The following AP1S3 variants were observed in gnomAD, a reference collection of about 807,000 sequenced individuals.
AP1S3 encodes AP-1 complex subunit sigma-3.
In AP1S3, 10 loss-of-function variants were observed where a neutral mutation model predicts 20.9. The ratio of observed to expected loss-of-function variants is 0.48; its 90% CI spans 0.29 to 0.81. The LOEUF is 0.81. Ranked by LOEUF, AP1S3 falls within the 30% of genes least tolerant of loss-of-function variation. The pLI, the probability that AP1S3 is intolerant of heterozygous loss-of-function variation, is 0.08. For synonymous variants in AP1S3, 41 were observed against 61.5 expected (o/e 0.67, Z 1.56); for missense variants, 154 against 183.8 (o/e 0.84, Z 0.94).
intron 1 of AP1S3, among the ~76,000 whole-genome samples, chr2:223,832,843 C>T (rs1692308450): frequency 7.0e-6 from 1 of 143,340 alleles, no homozygotes; most frequent in African/African-American, 2.6e-5. Flanking sequence ...GGGTGTACTC[C>T]TACTATTTCA....
At chr2:223,802,650 C>T (rs1020624734) in intron 1 of AP1S3, among the ~76,000 whole-genome samples, 1 of 152,166 alleles carries the variant, frequency 6.6e-6, no homozygotes, top group East Asian at 1.9e-4. Context: ...AAATCCCAAA[C>T]GCACCAAAGC....
chr2:223,799,739 G>A (rs2106109735), intron 1 of AP1S3, among the ~76,000 whole-genome samples: 1 of 152,218 alleles, frequency 6.6e-6, no homozygotes, highest in South Asian at 2.1e-4. Flanking sequence ...GGACAATAAA[G>A]CTGATTAGGT....
chr2:223,797,290 G>C (rs1278634451), intron 1 of AP1S3, among the ~76,000 whole-genome samples: 1 of 152,136 alleles, frequency 6.6e-6, no homozygotes, highest in Non-Finnish European at 1.5e-5. Context: ...GGAGAGAGCA[G>C]CAACTATGAA....
chr2:223,778,493 T>A (rs2106091422), intron 1 of AP1S3, among the ~76,000 whole-genome samples: 1 of 152,200 alleles, frequency 6.6e-6, no homozygotes. Context: ...TAGTAGTACT[T>A]CTGTTTTTAA....
Position 223,769,500 on chromosome 2 carries a change from A to T in AP1S3, c.292-4150T>A, listed in dbSNP as rs1690558268. 2.0e-5 allele frequency among the ~76,000 whole-genome samples: 3 copies of T among 152,268 alleles called. No homozygotes were observed. In the South Asian group the frequency reaches 6.2e-4, roughly 32 times the overall value. ...CTTTCCATTTCTTGCCTTGTCTACA[A>T]ATTGCTTCTTAAAGACTTTGTTTTT... On this transcript the variant is annotated intron_variant, in intron 3 of 4. Transcript: ENST00000396654.
In AP1S3 at chr2:223,776,306, T is replaced by C. The variant is rs1245845543; in HGVS notation, c.183-297A>G. On this transcript the variant is annotated intron_variant, in intron 2 of 4. Coordinates refer to ENST00000396654, the MANE Select transcript of AP1S3 (RefSeq NM_001039569.2). ...TTCGCTCTTGGTAATCAGGGTGTCT[T>C]CACACCCCTCTCCAGCTTGTCAATT... 6.9e-6 allele frequency: 3 copies of C among 434,232 alleles called. No homozygotes were observed. The Admixed American group carries it at 9.6e-5, about 14-fold the overall frequency. The allele number at this position is 434,232 out of a possible 1,614,324, so 26.9% of individuals were successfully genotyped here. A position where few individuals can be genotyped will look rare whatever the true frequency, so the allele number is the denominator to read the frequency against.
At chr2:223,831,387 G>C (rs1692253660) in intron 1 of AP1S3, among the ~76,000 whole-genome samples, 1 of 152,166 alleles carries the variant, frequency 6.6e-6, no homozygotes, top group South Asian at 2.1e-4. Context: ...ACACACCTTG[G>C]CCTCCCAAAG....
intron 1 of AP1S3, among the ~76,000 whole-genome samples, chr2:223,798,932 T>G (rs1169926059): frequency 6.6e-6 from 1 of 152,002 alleles, no homozygotes; most frequent in Non-Finnish European, 1.5e-5. Context: ...ATTAGCTGGG[T>G]GTGGTAGCTG....
intron 1 of AP1S3, among the ~76,000 whole-genome samples, chr2:223,836,253 C>T (rs145045044): frequency 1.3e-5 from 2 of 152,266 alleles, no homozygotes; most frequent in South Asian, 2.1e-4. Context: ...GGACTAGTGA[C>T]GTTCAGACCA....
At chr2:223,771,099 G>A (rs371406163) in intron 3 of AP1S3, among the ~76,000 whole-genome samples, 2 of 151,950 alleles carry the variant, frequency 1.3e-5, no homozygotes, top group Non-Finnish European at 2.9e-5. Context: ...CTTTGGGGGG[G>A]CTGAGGCGGG....
chr2:223,828,079 A>AAAAAAAAAAAAAAAAAAAAAAG (rs1692175018), intron 1 of AP1S3, among the ~76,000 whole-genome samples: 1 of 38,924 alleles, frequency 2.6e-5, no homozygotes, highest in Non-Finnish European at 5.5e-5. Context: ...AAAAAAAAAA[A>AAAAAAAAAAAAAAAAAAAAAAG]AAAAAAAAAA....
chr2:223,758,016 C>A lies in AP1S3; in HGVS notation c.*699G>T. On this transcript the variant is annotated 3_prime_UTR_variant, in exon 5 of 5. Coordinates refer to ENST00000396654, the MANE Select transcript of AP1S3 (RefSeq NM_001039569.2). ...AATAAATATATAGTTCATAGAAAAC[C>A]TTATTGGAATGTCCCTTATATTCAA... The A allele has an allele frequency of 1.0e-6, 1 of 974,052 alleles. No individual in the cohort carries two copies. The highest frequency in any genetic ancestry group is 1.2e-6 in the Non-Finnish European group (1 of 819,772). The allele number at this position is 974,052 out of a possible 1,614,324, so 60.3% of individuals were successfully genotyped here. A position where few individuals can be genotyped will look rare whatever the true frequency, so the allele number is the denominator to read the frequency against.
intron 1 of AP1S3, among the ~76,000 whole-genome samples, chr2:223,828,807 T>A (rs1268910870): frequency 6.6e-6 from 1 of 152,126 alleles, no homozygotes; most frequent in African/African-American, 2.4e-5. Context: ...ATCTTGAAAT[T>A]CCTGGTAAAC....
chr2:223,770,254 G>T, intron 3 of AP1S3: 3 of 1,550,742 alleles, frequency 1.9e-6, no homozygotes, highest in Non-Finnish European at 2.6e-6. Flanking sequence ...GAACCTCGGA[G>T]TTCAAGGCAG....
chr2:223,821,808 G>A (rs955518471), intron 1 of AP1S3, among the ~76,000 whole-genome samples: 26 of 152,118 alleles, frequency 1.7e-4, no homozygotes, highest in African/African-American at 5.8e-4. Context: ...TTTTGATTCT[G>A]ACATACTTGG....
intron 1 of AP1S3, among the ~76,000 whole-genome samples, chr2:223,791,248 CA>C (rs1452386830): frequency 6.6e-6 from 1 of 152,174 alleles, no homozygotes; most frequent in Non-Finnish European, 1.5e-5. Context: ...CACATCAGGA[CA>C]ATATCCTCGA....
chr2:223,806,257 T>C (rs949517168), intron 1 of AP1S3, among the ~76,000 whole-genome samples: 9 of 151,488 alleles, frequency 5.9e-5, no homozygotes, highest in African/African-American at 2.2e-4. Context: ...CACATTTCAC[T>C]TTTTTATATA....
intron 1 of AP1S3, among the ~76,000 whole-genome samples, chr2:223,835,077 G>GAAATACATA (rs747420437): frequency 0.34 from 50,913 of 151,386 alleles, 8,919 homozygotes; most frequent in Middle Eastern, 0.43. Flanking sequence ...TTTTGACCTT[G>GAAATACATA]CAGACCTCCA....
intron 1 of AP1S3, among the ~76,000 whole-genome samples, chr2:223,787,106 T>C (rs1356233862): frequency 2.0e-5 from 3 of 152,150 alleles, no homozygotes; most frequent in Non-Finnish European, 4.4e-5. Context: ...TTGTGAGATC[T>C]GGTTGTTTAA....
Sources: gnomAD v4.1 joint callset for allele counts (sites outside exome capture counted in the v4.1 genomes callset) on GRCh38, gnomAD v4.1.1 for gene constraint, MANE v1.5 for transcripts, NCBI Gene and HGNC (gene_info 2026-07-23, HGNC 2026-07-21) for gene names.